SPAG16: variants seen among roughly 807,000 people sequenced by gnomAD.
SPAG16 encodes the protein sperm associated antigen 16, also known as sperm-associated antigen 16 protein.
SPAG16 carries 86 observed loss-of-function variants against 80.4 expected under a neutral mutation model. The ratio of observed to expected loss-of-function variants is 1.07; its 90% confidence interval spans 0.90 to 1.28. The LOEUF is 1.28. Ranked by LOEUF, SPAG16 falls within the 50% of genes most tolerant of loss-of-function variation. The pLI, the probability that SPAG16 is intolerant of heterozygous loss-of-function variation, is 0.00. For synonymous variants in SPAG16, 294 were observed against 265.9 expected, an observed-to-expected ratio of 1.11 and a Z score of -1.03; for missense variants, 870 against 765.3, an observed-to-expected ratio of 1.14 and a Z score of -1.61.
At chr2:213,755,721 G>GAGATGATAGCTGTCACAGTGA (rs2068293095) in intron 10 of SPAG16, among the ~76,000 whole-genome samples, 1 of 152,172 alleles carries the variant, frequency 6.6e-6, no homozygotes, top group Admixed American at 6.5e-5. Flanking sequence ...AATGATGACT[G>GAGATGATAGCTGTCACAGTGA]AGATGATAGC....
intron 15 of SPAG16, among the ~76,000 whole-genome samples, chr2:214,341,709 G>A (rs1373048126): frequency 2.0e-5 from 3 of 152,124 alleles, no homozygotes; most frequent in Non-Finnish European, 4.4e-5. Context: ...GCAATATCAG[G>A]ATAAGCACAT....
intron 9 of SPAG16, among the ~76,000 whole-genome samples, chr2:213,404,843 A>AT (rs113514154): frequency 0.073 from 11,005 of 151,772 alleles, 1,310 homozygotes; most frequent in African/African-American, 0.25. Flanking sequence ...ATTCTTTAAA[A>AT]TTTTTTTTTA....
chr2:214,290,266 T>C (rs1010583313), intron 15 of SPAG16, among the ~76,000 whole-genome samples: 3 of 152,194 alleles, frequency 2.0e-5, no homozygotes, highest in African/African-American at 7.2e-5. Flanking sequence ...ATTGCAATGT[T>C]TCCTTTTCTG....
intron 10 of SPAG16, among the ~76,000 whole-genome samples, chr2:213,827,938 T>A (rs1429758118): frequency 2.0e-5 from 3 of 152,154 alleles, no homozygotes; most frequent in African/African-American, 7.2e-5. Context: ...TTTAGGATCT[T>A]CTCTTTATCC....
At chr2:214,104,038 A>T (rs2053236963) in intron 13 of SPAG16, among the ~76,000 whole-genome samples, 1 of 152,160 alleles carries the variant, frequency 6.6e-6, no homozygotes, top group Admixed American at 6.6e-5. Flanking sequence ...TCCCAAAAAG[A>T]AGGAAAGCAT....
At chr2:213,860,448 T>TAC (rs2075390564) in intron 10 of SPAG16, among the ~76,000 whole-genome samples, 3 of 127,056 alleles carry the variant, frequency 2.4e-5, no homozygotes, top group Non-Finnish European at 5.1e-5. Flanking sequence ...TATAGATATA[T>TAC]GTATATATAT....
chr2:213,382,473 A>G (rs544793134), intron 9 of SPAG16, among the ~76,000 whole-genome samples: 1 of 152,290 alleles, frequency 6.6e-6, no homozygotes, highest in South Asian at 2.1e-4. Context: ...GGGGCTTGTT[A>G]TAGGCTTCCT....
chr2:213,572,832 C>T (rs891453623), intron 10 of SPAG16, among the ~76,000 whole-genome samples: 13 of 147,112 alleles, frequency 8.8e-5, no homozygotes, highest in Non-Finnish European at 1.5e-4. Context: ...CGCCCCTCCC[C>T]CAGCCTCGCT....
chr2:214,349,701 C>G (rs1698276625), intron 15 of SPAG16, among the ~76,000 whole-genome samples: 1 of 152,188 alleles, frequency 6.6e-6, no homozygotes, highest in African/African-American at 2.4e-5. Flanking sequence ...TTCTCACCAC[C>G]AATGCACAAG....
At chr2:213,299,674 A>T (rs2062653543) in intron 3 of SPAG16, among the ~76,000 whole-genome samples, 1 of 152,104 alleles carries the variant, frequency 6.6e-6, no homozygotes, top group South Asian at 2.1e-4. Flanking sequence ...TGTGTATTTG[A>T]TACTATCCGT....
intron 12 of SPAG16, among the ~76,000 whole-genome samples, chr2:213,994,076 G>C (rs2046403648): frequency 1.3e-5 from 2 of 152,124 alleles, no homozygotes; most frequent in South Asian, 4.1e-4. Context: ...AGAATAATTA[G>C]TGTGATACGA....
chr2:213,308,944 C>G (rs2063069082), intron 3 of SPAG16, among the ~76,000 whole-genome samples: 1 of 152,128 alleles, frequency 6.6e-6, no homozygotes, highest in Non-Finnish European at 1.5e-5. Context: ...ACTAAGATCT[C>G]TTGGGGCTGG....
At chr2:214,219,858 A>G (rs1230104281) in intron 15 of SPAG16, among the ~76,000 whole-genome samples, 2 of 152,132 alleles carry the variant, frequency 1.3e-5, no homozygotes, top group Non-Finnish European at 2.9e-5. Context: ...CAAACCAAAT[A>G]TTTCTTAATT....
intron 15 of SPAG16, among the ~76,000 whole-genome samples, chr2:214,280,142 G>A (rs1171757395): frequency 6.6e-6 from 1 of 152,132 alleles, no homozygotes; most frequent in Non-Finnish European, 1.5e-5. Flanking sequence ...AAATAGAGAT[G>A]ATGTCGGTAA....
At chr2:213,965,543 TAGTG>T (rs1450503998) in intron 12 of SPAG16, among the ~76,000 whole-genome samples, 1 of 152,214 alleles carries the variant, frequency 6.6e-6, no homozygotes, top group Non-Finnish European at 1.5e-5. Flanking sequence ...TGAGGACAGT[TAGTG>T]AGCTTTGGTG....
At chr2:213,508,388 A>G (rs1002818180) in intron 10 of SPAG16, among the ~76,000 whole-genome samples, 1 of 152,044 alleles carries the variant, frequency 6.6e-6, no homozygotes, top group African/African-American at 2.4e-5. Flanking sequence ...CTGACTAACA[A>G]GGTGAAACCC....
chr2:213,307,619 G>C (rs899435724), intron 3 of SPAG16, among the ~76,000 whole-genome samples: 1 of 150,676 alleles, frequency 6.6e-6, no homozygotes, highest in African/African-American at 2.4e-5. Context: ...TGGACATTTG[G>C]GTTGGTTCCA....
At chr2:213,286,643 T>C (rs2062066036) in intron 1 of SPAG16, among the ~76,000 whole-genome samples, 1 of 152,252 alleles carries the variant, frequency 6.6e-6, no homozygotes, top group South Asian at 2.1e-4. Flanking sequence ...AGAAATCTGA[T>C]GTCCTCTGCT....
intron 12 of SPAG16, among the ~76,000 whole-genome samples, chr2:214,006,695 T>C (rs942287458): frequency 6.6e-6 from 1 of 152,254 alleles, no homozygotes; most frequent in African/African-American, 2.4e-5. Flanking sequence ...TCCATCACTT[T>C]AGTCCATTTT....
Sources: gnomAD v4.1 joint callset for allele counts (sites outside exome capture counted in the v4.1 genomes callset) on GRCh38, gnomAD v4.1.1 for gene constraint, MANE v1.5 for transcripts, NCBI Gene and HGNC (gene_info 2026-07-23, HGNC 2026-07-21) for gene names.